Variants in SLAIN1 observed in about 807,000 individuals in gnomAD.
SLAIN1 encodes SLAIN motif-containing protein 1.
Under a neutral mutation model 55.4 loss-of-function variants are expected in SLAIN1, and 17 were observed. The observed-to-expected ratio is 0.31, with a 90% confidence interval of 0.21 to 0.46. The LOEUF (loss-of-function observed/expected upper bound fraction) is 0.46. SLAIN1 is among the 20% of genes least tolerant of loss of function. The pLI is 1.00. For missense variants in SLAIN1, 682 were observed against 785.1 expected (o/e 0.87, Z 1.57); for synonymous variants, 348 against 337.4 (o/e 1.03, Z -0.35).
chr13:77,702,055 A>G (rs911971041), intron 1 of SLAIN1, among the ~76,000 whole-genome samples: 1 of 149,246 alleles, frequency 6.7e-6, no homozygotes, highest in Non-Finnish European at 1.5e-5. Flanking sequence ...ACTGAGAATG[A>G]TGATTTCCAA....
At chr13:77,745,504 G>C (rs1283666216) in intron 3 of SLAIN1, among the ~76,000 whole-genome samples, 1 of 152,038 alleles carries the variant, frequency 6.6e-6, no homozygotes, top group Non-Finnish European at 1.5e-5. Flanking sequence ...TTTTTCACTG[G>C]TTCTGCGATA....
chr13:77,707,558 C>T (rs1016460047), intron 1 of SLAIN1, among the ~76,000 whole-genome samples: 6 of 152,140 alleles, frequency 3.9e-5, no homozygotes, highest in Admixed American at 1.3e-4. Context: ...AAGGAGGTGC[C>T]GAAGCCGATC....
chr13:77,759,454 A>G (rs1037455577), intron 5 of SLAIN1, among the ~76,000 whole-genome samples: 2 of 152,034 alleles, frequency 1.3e-5, no homozygotes, highest in East Asian at 1.9e-4. Context: ...TCTGGCTAGG[A>G]CTTCCTGTGT....
chr13:77,740,532 C>T (rs1313992287), intron 2 of SLAIN1, among the ~76,000 whole-genome samples: 1 of 149,556 alleles, frequency 6.7e-6, no homozygotes, highest in South Asian at 2.2e-4. Flanking sequence ...CGAACCGCCC[C>T]CCCCCCCTTT....
intron 4 of SLAIN1, 62 bp downstream of exon 4, chr13:77,746,917 T>G: frequency 7.0e-7 from 1 of 1,422,110 alleles, no homozygotes; most frequent in South Asian, 1.4e-5. Context: ...GGTCAAGAAA[T>G]GGTTTTTGTG....
intron 5 of SLAIN1, among the ~76,000 whole-genome samples, chr13:77,755,310 G>T (rs933652058): frequency 1.3e-5 from 2 of 151,250 alleles, no homozygotes; most frequent in East Asian, 1.9e-4. Flanking sequence ...TAGATAGAAT[G>T]AGACCCTGTC....
intron 2 of SLAIN1, 76 bp downstream of exon 2, chr13:77,719,747 TA>T: frequency 6.6e-7 from 1 of 1,521,036 alleles, no homozygotes. Flanking sequence ...GGTTTTGGAA[TA>T]AACATTTCAA....
Position 77,761,007 on chromosome 13 carries a change from G to A in SLAIN1, c.1594G>A (p.Ala532Thr), listed in dbSNP as rs1339510524. 1.9e-6 allele frequency: 3 copies of A among 1,614,052 alleles called. No homozygotes were observed. The African/African-American group carries it at 4.0e-5, about 22-fold the overall frequency. Reference sequence around the variant, plus strand: ...CACAGGAATCCCCACACCGAACAAAGCTGCAGCTTCTGGGATAATGGGTCG... The same window carrying A: ...CACAGGAATCCCCACACCGAACAAAACTGCAGCTTCTGGGATAATGGGTCG... Reference protein sequence around the residue: ...SNTGIPTPNKAAASGIMGRSA... With the variant: ...SNTGIPTPNKTAASGIMGRSA... The change falls in exon 6 of 7, where the codon GCT (alanine) becomes ACT (threonine). Residue 532 changes from alanine to threonine, a missense_variant. Ala to Thr is a moderately conservative substitution (Grantham distance 58, BLOSUM62 0). This residue lies in a region of SLAIN1 where 244 missense variants were observed against 295.2 expected (regional missense o/e 0.83). Transcript: ENST00000418532.
chr13:77,724,291 A>C (rs1002177948), intron 2 of SLAIN1, among the ~76,000 whole-genome samples: 31 of 152,058 alleles, frequency 2.0e-4, no homozygotes, highest in South Asian at 1.2e-3. Flanking sequence ...TCACTTCACC[A>C]CAAAACTCCC....
chr13:77,703,889 TTATA>T (rs573032530), intron 1 of SLAIN1, among the ~76,000 whole-genome samples: 1 of 132,648 alleles, frequency 7.5e-6, no homozygotes, highest in African/African-American at 2.8e-5. Context: ...AAAAAAAAAA[TTATA>T]TATATATATA....
At chr13:77,734,682 A>G (rs912467418) in intron 2 of SLAIN1, among the ~76,000 whole-genome samples, 1 of 152,170 alleles carries the variant, frequency 6.6e-6, no homozygotes, top group African/African-American at 2.4e-5. Flanking sequence ...GAAAACTCCT[A>G]CAGAATCTTT....
intron 1 of SLAIN1, chr13:77,699,121 C>A (rs1032536381): frequency 1.4e-6 from 2 of 1,449,610 alleles, no homozygotes; most frequent in East Asian, 5.0e-5. Flanking sequence ...TCATTGAAAT[C>A]TTATTTTCAG....
chr13:77,738,223 CATATATACATATACAT>C lies in SLAIN1; in HGVS notation c.767-6050_767-6035del, dbSNP rs760991600. Among the ~76,000 whole-genome samples the C allele has an allele frequency of 2.6e-3, 387 of 151,168 alleles. 1 individual carries two copies. The highest frequency in any genetic ancestry group is 3.7e-3 in the Non-Finnish European group (253 of 67,810). On this transcript the variant is annotated intron_variant, in intron 2 of 6. Transcript: ENST00000418532. ...ACACACACACACACATATACACATA[CATATATACATATACAT>C]ATATATACACATATATACATATACA... is the stretch of plus-strand genomic sequence containing the variant.
At chr13:77,708,663 A>G (rs1021241350) in intron 1 of SLAIN1, among the ~76,000 whole-genome samples, 7 of 152,088 alleles carry the variant, frequency 4.6e-5, no homozygotes, top group Non-Finnish European at 7.4e-5. Flanking sequence ...GACCTGCAGC[A>G]GAGGAGTCTG....
chr13:77,722,573 T>C (rs549284679), intron 2 of SLAIN1, among the ~76,000 whole-genome samples: 2 of 152,290 alleles, frequency 1.3e-5, no homozygotes, highest in African/African-American at 4.8e-5. Context: ...TTAAACATTA[T>C]CCATTGGCTT....
chr13:77,731,256 TTATC>T (rs767790945), intron 2 of SLAIN1, among the ~76,000 whole-genome samples: 60 of 152,158 alleles, frequency 3.9e-4, no homozygotes, highest in Non-Finnish European at 4.3e-4. Context: ...TATTGGGAGT[TTATC>T]TATAGTATAA....
chr13:77,701,901 A>G (rs1004045966), intron 1 of SLAIN1, among the ~76,000 whole-genome samples: 8 of 140,266 alleles, frequency 5.7e-5, no homozygotes, highest in African/African-American at 1.6e-4. Context: ...ATATCTCCCA[A>G]TGCTATCCCT....
intron 1 of SLAIN1, among the ~76,000 whole-genome samples, chr13:77,707,985 A>T (rs1286748439): frequency 6.6e-6 from 1 of 152,148 alleles, no homozygotes; most frequent in Non-Finnish European, 1.5e-5. Flanking sequence ...TTTCAACTGG[A>T]TTCACTGCTT....
rs1026230407 is a variant in SLAIN1 at position 77,715,087 on chromosome 13, C to T, written c.627-4445C>T. 5.9e-5 allele frequency among the ~76,000 whole-genome samples: 9 copies of T among 152,246 alleles called. 1 individual carries two copies. The highest frequency in any genetic ancestry group is 4.8e-5 in the African/African-American group (2 of 41,556). On this transcript the variant is annotated intron_variant, in intron 1 of 6. Coordinates refer to ENST00000418532, the MANE Select transcript of SLAIN1 (RefSeq NM_001242868.2). ...TTCACCATGTTGGCCAGGATGGTCT[C>T]GATCTCCTGACCTTGTGATTTGCCC...
Sources: allele counts gnomAD v4.1 joint callset (sites outside exome capture counted in the v4.1 genomes callset), GRCh38; gene constraint gnomAD v4.1.1; regional missense constraint gnomAD v4.1.1; transcripts MANE v1.5; gene names NCBI Gene and HGNC (gene_info 2026-07-23, HGNC 2026-07-21).